ASB10: variants seen among roughly 807,000 people sequenced by gnomAD.
ASB10 encodes the protein ankyrin repeat and SOCS box containing 10.
In ASB10, 44 loss-of-function variants were observed where a neutral mutation model predicts 35.4. The observed-to-expected ratio is 1.24, with a 90% CI of 0.98 to 1.60. ASB10 has a LOEUF of 1.60. Ranked by LOEUF, ASB10 falls within the 40% of genes most tolerant of loss-of-function variation. The pLI is 0.00. For synonymous variants in ASB10, 294 were observed against 280.4 expected (o/e 1.05, Z -0.49); for missense variants, 647 against 634.3 (o/e 1.02, Z -0.22).
chr7:151,181,469 G>C lies in ASB10; in HGVS notation c.585-11C>G, dbSNP rs1348858660. 1.3e-5 allele frequency: 20 copies of C among 1,568,036 alleles called. No homozygotes were observed. The highest frequency in any genetic ancestry group is 4.5e-5 in the East Asian group (2 of 44,184). ...AGCAGCTCCGCACACCTATTGGGGG[G>C]AGACGGTGGTGGGGAGGAAAGCGGG... is the stretch of plus-strand genomic sequence containing the variant. On this transcript the variant is annotated splice_polypyrimidine_tract_variant and intron_variant, in intron 2 of 5. Coordinates refer to ENST00000420175, the MANE Select transcript of ASB10 (RefSeq NM_001142459.2).
At chr7:151,177,774 A>G (rs1477849170) in intron 3 of ASB10, among the ~76,000 whole-genome samples, 1 of 152,194 alleles carries the variant, frequency 6.6e-6, no homozygotes, top group Non-Finnish European at 1.5e-5. Context: ...ACCTAGTTGG[A>G]GCCAGATATA....
chr7:151,181,866 G>C (rs1015156211), intron 2 of ASB10, among the ~76,000 whole-genome samples: 1 of 151,996 alleles, frequency 6.6e-6, no homozygotes, highest in African/African-American at 2.4e-5. Flanking sequence ...CACCTGCCTC[G>C]GCCTCCCAAA....
Position 151,186,200 on chromosome 7 carries a change from C to T in ASB10, c.584+192G>A, listed in dbSNP as rs2257073. ...CACCCCTGGGAGACCAGAAAACTGTCCAAAGTCCAGGCCACTCCAAAGTTC... is the reference window on the plus strand; with the variant it reads ...CACCCCTGGGAGACCAGAAAACTGTTCAAAGTCCAGGCCACTCCAAAGTTC... On this transcript the variant is annotated intron_variant, in intron 2 of 5. Coordinates refer to ENST00000420175, the MANE Select transcript of ASB10 (RefSeq NM_001142459.2). 0.26 allele frequency among the ~76,000 whole-genome samples: 39,051 copies of T among 152,106 alleles called. 5,132 individuals carry two copies. The highest frequency in any genetic ancestry group is 0.28 in the Non-Finnish European group (18,931 of 67,972).
intron 2 of ASB10, among the ~76,000 whole-genome samples, chr7:151,185,638 C>T (rs1801574958): frequency 6.6e-6 from 1 of 152,178 alleles, no homozygotes; most frequent in Non-Finnish European, 1.5e-5. Flanking sequence ...AGGCAAGAGA[C>T]AAGACCTGCA....
Position 151,184,135 on chromosome 7 carries a change from C to T in ASB10, c.584+2257G>A, listed in dbSNP as rs531880759. On this transcript the variant is annotated intron_variant, in intron 2 of 5. Coordinates refer to ENST00000420175, the MANE Select transcript of ASB10 (RefSeq NM_001142459.2). Reference sequence around the variant, plus strand: ...GCCTTAGAAAGGAAGGAAATTCGGCCGGGCGTGGTGGCTCACACCTGTAAT... The same window carrying T: ...GCCTTAGAAAGGAAGGAAATTCGGCTGGGCGTGGTGGCTCACACCTGTAAT... Among the ~76,000 whole-genome samples the T allele has an allele frequency of 1.1e-4, 16 of 151,762 alleles. No individual in the cohort carries two copies. The South Asian group carries it at 2.7e-3, about 26-fold the overall frequency.
Position 151,181,055 on chromosome 7 carries a change from G to A in ASB10, c.988C>T (p.Pro330Ser), listed in dbSNP as rs1000040994. 2 of 1,612,466 alleles carry A rather than the reference G, an allele frequency of 1.2e-6. No homozygotes were observed. The highest frequency in any genetic ancestry group is 1.3e-5 in the African/African-American group (1 of 75,052). The change falls in exon 3 of 6, where the codon CCC becomes TCC. Residue 330 changes from proline to serine, a missense_variant. Transcript: ENST00000420175. ...ANTMDYGGHTPLHCALQGPAA... is the reference protein window; with the variant it reads ...ANTMDYGGHTSLHCALQGPAA... ...GGGCCCTGCAGAGCACAGTGCAGGGGCGTGTGTCCCCCATAGTCCATGGTG... is the reference window on the plus strand; with the variant it reads ...GGGCCCTGCAGAGCACAGTGCAGGGACGTGTGTCCCCCATAGTCCATGGTG...
intron 3 of ASB10, among the ~76,000 whole-genome samples, chr7:151,179,507 T>C (rs1448742375): frequency 1.3e-5 from 2 of 152,180 alleles, no homozygotes; most frequent in Non-Finnish European, 2.9e-5. Flanking sequence ...CCTACACCCA[T>C]ACGAACAAGC....
rs542778374 is a variant in ASB10 at position 151,180,870 on chromosome 7, C to T, written c.1104+69G>A. 4.9e-4 allele frequency: 704 copies of T among 1,426,552 alleles called. 4 individuals are homozygous for T. In the South Asian group the frequency reaches 5.0e-3, roughly 10 times the overall value. The allele number at this position is 1,426,552 out of a possible 1,614,324, so 88.4% of individuals were successfully genotyped here. On this transcript the variant is annotated intron_variant, in intron 3 of 5. Transcript: ENST00000420175. ...GCACAGGCCACATTCCAAAGCAAAC[C>T]GGAGCACAGGCCCAGGTCTCCCTGT... is the stretch of plus-strand genomic sequence containing the variant.
chr7:151,181,567 C>A, intron 2 of ASB10, 109 bp from the exon 3 acceptor site: 1 of 1,427,752 alleles, frequency 7.0e-7, no homozygotes, highest in Non-Finnish European at 9.2e-7. Flanking sequence ...CCATCCTGCC[C>A]ATCACTGGTC....
At chr7:151,180,899 C>T (rs760563751) in intron 3 of ASB10, 40 bp downstream of exon 3, 134 of 1,449,352 alleles carry the variant, frequency 9.2e-5, no homozygotes, top group Non-Finnish European at 1.2e-4. Context: ...TCCCTGTCCC[C>T]TCACCATGGT....
intron 1 of ASB10, 68 bp from the exon 2 acceptor site, chr7:151,186,727 G>C (rs1460929021): frequency 4.5e-6 from 7 of 1,547,122 alleles, no homozygotes; most frequent in Non-Finnish European, 6.1e-6. Flanking sequence ...ATGGGGTGAG[G>C]TGGGCAGAGG....
At chr7:151,183,341 G>A (rs956351211) in intron 2 of ASB10, among the ~76,000 whole-genome samples, 1 of 152,152 alleles carries the variant, frequency 6.6e-6, no homozygotes, top group Non-Finnish European at 1.5e-5. Flanking sequence ...GTAGTTTGAG[G>A]CTGCAGTGAG....
At chr7:151,184,072 T>A (rs1399079573) in intron 2 of ASB10, among the ~76,000 whole-genome samples, 1 of 152,126 alleles carries the variant, frequency 6.6e-6, no homozygotes, top group Admixed American at 6.5e-5. Flanking sequence ...AAACATTCAA[T>A]AAAAATGTGC....
Position 151,186,526 on chromosome 7 carries a change from G to A in ASB10, c.450C>T (p.Thr150=), listed in dbSNP as rs73727103. Residue 150 remains threonine, a synonymous_variant, in exon 2 of 6, where the codon ACC becomes ACT. Coordinates refer to ENST00000420175, the MANE Select transcript of ASB10 (RefSeq NM_001142459.2). ...ARPDSAPGGR[T]ALHEACAAGH... ...CTGCAGCACAGGCCTCGTGCAGGGC[G>A]GTGCGGCCCCCAGGGGCACTGTCTG... 1,577 of 1,603,478 alleles carry A rather than the reference G, an allele frequency of 9.8e-4. 7 individuals carry two copies. In the African/African-American group the frequency reaches 0.017, roughly 17 times the overall value.
At chr7:151,180,240 C>T (rs1801460399) in intron 3 of ASB10, among the ~76,000 whole-genome samples, 1 of 152,230 alleles carries the variant, frequency 6.6e-6, no homozygotes, top group Non-Finnish European at 1.5e-5. Flanking sequence ...CCTCACAGGG[C>T]ATCAGTAGCA....
upstream of ASB10, chr7:151,187,781 G>C: frequency 6.9e-7 from 1 of 1,443,708 alleles, no homozygotes; most frequent in Non-Finnish European, 9.1e-7. This position sits in a 1 kb window ranked among gnomAD's most constrained non-coding sequence, Gnocchi z 5.3. Context: ...GGTGGACTGG[G>C]CAGGTGGGTG....
intron 3 of ASB10, among the ~76,000 whole-genome samples, chr7:151,177,452 C>A (rs1373146527): frequency 6.6e-6 from 1 of 152,278 alleles, no homozygotes; most frequent in Non-Finnish European, 1.5e-5. Context: ...ATCCTGCTCT[C>A]CTCTCTGCCT....
At chr7:151,181,520 TG>T in intron 2 of ASB10, 62 bp from the exon 3 acceptor site, 1 of 1,496,372 alleles carries the variant, frequency 6.7e-7, no homozygotes, top group Admixed American at 2.1e-5. Context: ...GGAACACACT[TG>T]GGTGGCTCTT....
chr7:151,184,975 T>C (rs1338321503), intron 2 of ASB10, among the ~76,000 whole-genome samples: 2 of 151,816 alleles, frequency 1.3e-5, no homozygotes, highest in Non-Finnish European at 2.9e-5. Flanking sequence ...TGAGCCGAGA[T>C]CGCACCACTG....
Sources: gnomAD v4.1 joint callset for allele counts (sites outside exome capture counted in the v4.1 genomes callset) on GRCh38, gnomAD v4.1.1 for gene constraint, Gnocchi (gnomAD v3.1) non-coding constraint, MANE v1.5 for transcripts, NCBI Gene and HGNC (gene_info 2026-07-23, HGNC 2026-07-21) for gene names.